Variants in FHDC1 observed in about 807,000 individuals in gnomAD.
The protein encoded by FHDC1 is FH2 domain-containing protein 1.
FHDC1 carries 25 observed loss-of-function variants against 52.6 expected under a neutral mutation model. The ratio of observed to expected loss-of-function variants is 0.48; its 90% CI spans 0.35 to 0.66. The LOEUF (loss-of-function observed/expected upper bound fraction) is 0.66. Among genes scored for constraint, FHDC1 ranks in the 30% least tolerant of loss-of-function variants. The pLI is 0.01. For missense variants in FHDC1, 1,459 were observed against 1,452.8 expected, an observed-to-expected ratio of 1.00 and a Z score of -0.07; for synonymous variants, 616 against 581.5, an observed-to-expected ratio of 1.06 and a Z score of -0.85.
the FHDC1 span, among the ~76,000 whole-genome samples, chr4:152,930,983 ACACACACACACACACT>A: frequency 6.9e-6 from 1 of 144,812 alleles, no homozygotes; most frequent in South Asian, 2.4e-4. Flanking sequence ...ACACACACAC[ACACACACACACACACT>A]CTCTCTCTCT....
chr4:152,940,015 AC>A (rs1465919850), intron 1 of FHDC1, among the ~76,000 whole-genome samples: 1 of 152,230 alleles, frequency 6.6e-6, no homozygotes, highest in African/African-American at 2.4e-5. Flanking sequence ...CTCCTAGCGT[AC>A]CTGGAGAGTG....
At chr4:152,968,215 TC>T (rs1231093215) in intron 10 of FHDC1, 118 bp downstream of exon 10, 1 of 687,792 alleles carries the variant, frequency 1.5e-6, no homozygotes, top group Non-Finnish European at 2.5e-6. Context: ...ATTTTTTTTC[TC>T]CAAGTTAGTC....
intron 1 of FHDC1, among the ~76,000 whole-genome samples, chr4:152,940,411 A>G (rs1394526238): frequency 6.6e-6 from 1 of 152,242 alleles, no homozygotes; most frequent in Non-Finnish European, 1.5e-5. Context: ...AATCATCCCA[A>G]TGCAGAGCTA....
In FHDC1 at chr4:152,975,720, CTG is replaced by C; in HGVS notation, c.2430_2431del (p.Val812TrpfsTer28). On this transcript the variant is annotated frameshift_variant, in exon 12 of 12. Transcript: ENST00000511601. LOFTEE classifies it low-confidence loss of function (END_TRUNC). ...GGGGAAGGGGATGGCTCCATGTCCT[CTG>C]GGGTTGGAGAAATGGGGGACAGCCA... The C allele has an allele frequency of 6.2e-7, 1 of 1,602,246 alleles. No individual in the cohort carries two copies. The highest frequency in any genetic ancestry group is 8.5e-7 in the Non-Finnish European group (1 of 1,172,434).
Position 152,975,702 on chromosome 4 carries a change from G to A in FHDC1, c.2411G>A (p.Gly804Glu), listed in dbSNP as rs1028464476. ...GGGGACCCGGAGGAAGGCGGGGAAG[G>A]GGATGGCTCCATGTCCTCTGGGGTT... Reference protein sequence around the residue: ...RGGDPEEGGEGDGSMSSGVGE... With the variant: ...RGGDPEEGGEEDGSMSSGVGE... Residue 804 changes from glycine to glutamate, a missense_variant, in exon 12 of 12, where the codon GGG becomes GAG. This residue lies in a region of FHDC1 where 939 missense variants were observed against 854.5 expected (regional missense o/e 1.10). Coordinates refer to ENST00000511601, the MANE Select transcript of FHDC1 (RefSeq NM_001371116.1). 1 of 1,611,194 alleles carries A rather than the reference G, an allele frequency of 6.2e-7. No individual in the cohort carries two copies. The highest frequency in any genetic ancestry group is 8.5e-7 in the Non-Finnish European group (1 of 1,178,296).
rs768682815 is a variant in FHDC1 at position 152,974,756 on chromosome 4, A to T, written c.1465A>T (p.Thr489Ser). ...GGAGCAGAAGCAGCGCTCCTGGGCA[A>T]CTGGGGAGCTGGGGGCATTTGGCCG... is the stretch of plus-strand genomic sequence containing the variant. Reference protein sequence around the residue: ...EQEQKQRSWATGELGAFGRSS... With the variant: ...EQEQKQRSWASGELGAFGRSS... Residue 489 changes from threonine (T) to serine (S), a missense_variant, in exon 12 of 12, where the codon ACT becomes TCT. Around this residue, in one of 3 missense-constraint regions of FHDC1, gnomAD observed 513 missense variants for 581.5 expected, o/e 0.88. Transcript: ENST00000511601. 2.6e-6 allele frequency: 4 copies of T among 1,528,582 alleles called. No homozygotes were observed. The highest frequency in any genetic ancestry group is 3.5e-6 in the Non-Finnish European group (4 of 1,136,836). The allele number at this position is 1,528,582 out of a possible 1,614,324, so 94.7% of individuals were successfully genotyped here. A position where few individuals can be genotyped will look rare whatever the true frequency, so the allele number is the denominator to read the frequency against.
At chr4:152,967,073 T>A (rs1740485919) in intron 9 of FHDC1, among the ~76,000 whole-genome samples, 1 of 152,136 alleles carries the variant, frequency 6.6e-6, no homozygotes, top group Non-Finnish European at 1.5e-5. Context: ...TGAGCCATGA[T>A]CTTGCCACTG....
At chr4:152,930,493 G>A in the FHDC1 span, among the ~76,000 whole-genome samples, 2 of 152,100 alleles carry the variant, frequency 1.3e-5, no homozygotes, top group Non-Finnish European at 2.9e-5. Flanking sequence ...GATGAAAGGA[G>A]TCCTAGATTT....
chr4:152,969,837 T>A (rs1740583566), intron 10 of FHDC1, among the ~76,000 whole-genome samples: 1 of 152,022 alleles, frequency 6.6e-6, no homozygotes, highest in Non-Finnish European at 1.5e-5. Context: ...ACCAGGCTAA[T>A]TTTTTGTATT....
chr4:152,945,462 T>G (rs1160830094), intron 2 of FHDC1, among the ~76,000 whole-genome samples: 1 of 152,248 alleles, frequency 6.6e-6, no homozygotes, highest in South Asian at 2.1e-4. Context: ...TTTTAAAAAG[T>G]ATTTATTTTT....
intron 2 of FHDC1, among the ~76,000 whole-genome samples, chr4:152,948,437 AT>A (rs1262732570): frequency 6.6e-6 from 1 of 152,034 alleles, no homozygotes; most frequent in East Asian, 1.9e-4. Flanking sequence ...AGAGAGGGGA[AT>A]GGAGAGTTAA....
At chr4:152,973,799 A>G (rs1217833837) in intron 11 of FHDC1, among the ~76,000 whole-genome samples, 3 of 152,268 alleles carry the variant, frequency 2.0e-5, no homozygotes, top group South Asian at 2.1e-4. Flanking sequence ...ACATATTTCC[A>G]TGACACAAAT....
At chr4:152,915,645 G>A in the FHDC1 span, among the ~76,000 whole-genome samples, 2 of 152,084 alleles carry the variant, frequency 1.3e-5, 1 homozygote, top group Admixed American at 1.3e-4. Flanking sequence ...TTCTGTAATG[G>A]CCATTCTTTC....
rs760102245 is a variant in FHDC1, at chr4:152,975,897, A to G, written c.2606A>G (p.Glu869Gly). The G allele has an allele frequency of 2.6e-6, 4 of 1,513,838 alleles. No homozygotes were observed. In the Admixed American group the frequency reaches 6.8e-5, roughly 26 times the overall value. 93.8% of individuals were successfully genotyped at this position (1,513,838 alleles called of 1,614,324 possible). The change falls in exon 12 of 12, where the codon GAG (glutamate) becomes GGG (glycine). Residue 869 changes from glutamate (E) to glycine (G), a missense_variant. By Grantham distance (98) the Glu-to-Gly change is moderately conservative. Coordinates refer to ENST00000511601, the MANE Select transcript of FHDC1 (RefSeq NM_001371116.1). ...VVAPKRGSLKEASPGASKPGS... is the reference protein window; with the variant it reads ...VVAPKRGSLKGASPGASKPGS... Reference sequence around the variant, plus strand: ...GCACCAAAGAGAGGCTCCCTGAAAGAGGCGTCTCCCGGGGCCTCCAAGCCC... The same window carrying G: ...GCACCAAAGAGAGGCTCCCTGAAAGGGGCGTCTCCCGGGGCCTCCAAGCCC...
chr4:152,966,965 T>A (rs1370364413), intron 9 of FHDC1, among the ~76,000 whole-genome samples: 1 of 151,858 alleles, frequency 6.6e-6, no homozygotes. Context: ...ACAAAAAATT[T>A]AAAAATTAGC....
intron 3 of FHDC1, 99 bp from the exon 4 acceptor site, chr4:152,954,118 G>A: frequency 1.0e-6 from 1 of 973,068 alleles, no homozygotes; most frequent in Non-Finnish European, 1.6e-6. Flanking sequence ...AAGGAGGTGG[G>A]TGGGAAGGAG....
chr4:152,948,241 G>A (rs1481304702), intron 2 of FHDC1, among the ~76,000 whole-genome samples: 1 of 152,222 alleles, frequency 6.6e-6, no homozygotes, highest in Non-Finnish European at 1.5e-5. Context: ...TGTTACTCAA[G>A]TAGGTAAAGA....
At chr4:152,925,247 CTT>C in the FHDC1 span, among the ~76,000 whole-genome samples, 3 of 152,080 alleles carry the variant, frequency 2.0e-5, no homozygotes, top group Admixed American at 6.6e-5. Flanking sequence ...AATTAGACCT[CTT>C]TTATATATTT....
the FHDC1 span, chr4:152,927,438 GT>G: frequency 6.3e-6 from 5 of 796,030 alleles, no homozygotes; most frequent in African/African-American, 8.4e-5. Context: ...GCGATTGGTT[GT>G]TTCGTTATGG....
Sources: gnomAD v4.1 joint callset for allele counts (sites outside exome capture counted in the v4.1 genomes callset) on GRCh38, gnomAD v4.1.1 for gene constraint, gnomAD v4.1.1 regional missense constraint, MANE v1.5 for transcripts, NCBI Gene and HGNC (gene_info 2026-07-23, HGNC 2026-07-21) for gene names.